DYNC2H1: variants seen among roughly 807,000 people sequenced by gnomAD.
The protein encoded by DYNC2H1 is dynein cytoplasmic 2 heavy chain 1, also known as cytoplasmic dynein 2 heavy chain 1.
DYNC2H1 carries 410 observed loss-of-function variants against 570.0 expected under a neutral mutation model. The ratio of observed to expected loss-of-function variants is 0.72; its 90% confidence interval spans 0.66 to 0.78. The LOEUF (loss-of-function observed/expected upper bound fraction) is 0.78, where lower values mean the gene tolerates loss of function less well. Among genes scored for constraint, DYNC2H1 ranks in the 30% least tolerant of loss-of-function variants. DYNC2H1 has a pLI of 0.00. For synonymous variants in DYNC2H1, 1,688 were observed against 1,677.6 expected (o/e 1.01, Z -0.15); for missense variants, 4,865 against 5,046.4 (o/e 0.96, Z 1.09).
At chr11:103,194,231 C>T (rs756501072) in intron 47 of DYNC2H1, among the ~76,000 whole-genome samples, 2 of 152,072 alleles carry the variant, frequency 1.3e-5, no homozygotes, top group Admixed American at 6.6e-5. Flanking sequence ...AGATACATGC[C>T]GATTGTTTTG....
In DYNC2H1 at chr11:103,229,981, T is replaced by C. The variant is rs548462489; in HGVS notation, c.9354-1279T>C. Among the ~76,000 whole-genome samples the C allele has an allele frequency of 3.3e-5, 5 of 152,270 alleles. No individual in the cohort carries two copies. In the South Asian group the frequency reaches 8.3e-4, roughly 25 times the overall value. ...GCAGCATCAGCATCACTTTGGAACT[T>C]GTTAAAAGTGCAGATTTTTAAACTC... is the stretch of plus-strand genomic sequence containing the variant. On this transcript the variant is annotated intron_variant, in intron 59 of 88. Coordinates refer to ENST00000375735, the MANE Select transcript of DYNC2H1 (RefSeq NM_001377.3).
intron 25 of DYNC2H1, 51 bp from the exon 26 acceptor site, chr11:103,156,335 TTA>T: frequency 1.4e-6 from 2 of 1,480,912 alleles, no homozygotes; most frequent in Non-Finnish European, 1.8e-6. Flanking sequence ...TATTAATTAC[TTA>T]TGTGAAAATT....
chr11:103,235,410 ATTCTGCT>A (rs752009650), intron 61 of DYNC2H1, among the ~76,000 whole-genome samples: 3 of 151,908 alleles, frequency 2.0e-5, no homozygotes, highest in Non-Finnish European at 4.4e-5. Flanking sequence ...TGGGATGAAA[ATTCTGCT>A]TTCTTTAAAA....
chr11:103,249,601 A>C lies in DYNC2H1; in HGVS notation c.10043-3684A>C, dbSNP rs561587685. Among the ~76,000 whole-genome samples, 367 of 152,148 alleles carry C rather than the reference A, an allele frequency of 2.4e-3. 9 individuals are homozygous for C. Among genetic ancestry groups the C allele is most frequent in the Non-Finnish European group, 3.1e-3 (211 of 67,950 alleles). Reference sequence around the variant, plus strand: ...CTTTGAGTAAATGAGAAAGAAAAAAAGCAGCACCTGACTACTCTAGACTGA... The same window carrying C: ...CTTTGAGTAAATGAGAAAGAAAAAACGCAGCACCTGACTACTCTAGACTGA... On this transcript the variant is annotated intron_variant, in intron 65 of 88. Coordinates refer to ENST00000375735, the MANE Select transcript of DYNC2H1 (RefSeq NM_001377.3). This position sits in a 1 kb window ranked among gnomAD's most constrained non-coding sequence, Gnocchi z 4.6.
At position 103,199,892 on chromosome 11, in the gene DYNC2H1, G is replaced by A. The variant is rs1009089879; in HGVS notation, c.8089-154G>A. ...GGGTTGGATTTACTTTCCAAATTATGTGGCTAAAGTTTGATTTTTAATTAT... is the reference window on the plus strand; with the variant it reads ...GGGTTGGATTTACTTTCCAAATTATATGGCTAAAGTTTGATTTTTAATTAT... On this transcript the variant is annotated intron_variant, in intron 49 of 88. Coordinates refer to ENST00000375735, the MANE Select transcript of DYNC2H1 (RefSeq NM_001377.3). The surrounding 1 kb of genome is among the most constrained non-coding windows in gnomAD (Gnocchi z 4.6). 1.8e-4 allele frequency among the ~76,000 whole-genome samples: 28 copies of A among 152,114 alleles called. No homozygotes were observed. The highest frequency in any genetic ancestry group is 6.5e-4 in the African/African-American group (27 of 41,428).
At chr11:103,284,403 C>T (rs1866267868) in intron 73 of DYNC2H1, among the ~76,000 whole-genome samples, 1 of 151,976 alleles carries the variant, frequency 6.6e-6, no homozygotes, top group African/African-American at 2.4e-5. Context: ...TTGTTCATAC[C>T]AGTGGAATGA....
intron 84 of DYNC2H1, among the ~76,000 whole-genome samples, chr11:103,424,273 T>TAA (rs34349361): frequency 1.3e-5 from 2 of 151,854 alleles, no homozygotes; most frequent in African/African-American, 4.8e-5. Context: ...AAACATTTTT[T>TAA]AAATCACAAT....
chr11:103,248,889 A>G (rs544031127), intron 65 of DYNC2H1, among the ~76,000 whole-genome samples: 50 of 152,118 alleles, frequency 3.3e-4, no homozygotes, highest in African/African-American at 1.2e-3. Flanking sequence ...ACTGAAAAAA[A>G]CAAACAAAAA....
chr11:103,255,815 A>T (rs981166134), intron 67 of DYNC2H1, among the ~76,000 whole-genome samples: 1 of 152,096 alleles, frequency 6.6e-6, no homozygotes, highest in African/African-American at 2.4e-5. Flanking sequence ...GCAAGAAATT[A>T]TAACAATCTG....
intron 30 of DYNC2H1, among the ~76,000 whole-genome samples, chr11:103,165,044 A>C (rs1393843433): frequency 6.6e-6 from 1 of 152,134 alleles, no homozygotes; most frequent in Non-Finnish European, 1.5e-5. Flanking sequence ...CATACCACAA[A>C]GTTTGTTTGG....
At chr11:103,453,248 C>A (rs528502942) in intron 85 of DYNC2H1, among the ~76,000 whole-genome samples, 2 of 152,032 alleles carry the variant, frequency 1.3e-5, no homozygotes, top group Non-Finnish European at 2.9e-5. Flanking sequence ...AAATATTTGC[C>A]AGTTAGTATG....
chr11:103,116,573 T>A lies in DYNC2H1; in HGVS notation c.625T>A (p.Phe209Ile), dbSNP rs771511132. Reference sequence around the variant, plus strand: ...AAATTAATGCATTTTTTTCTAGGAGTTTTATAACTTGGACAGTCTATCCTT... The same window carrying A: ...AAATTAATGCATTTTTTTCTAGGAGATTTATAACTTGGACAGTCTATCCTT... ...KELFETIARE[F>I]YNLDSLSLLE... The change falls in exon 5 of 89, where the codon TTT becomes ATT. Residue 209 changes from phenylalanine (F) to isoleucine (I), a missense_variant. Physicochemically the swap from Phe to Ile is conservative, Grantham distance 21. Around this residue, in one of 5 missense-constraint regions of DYNC2H1, gnomAD observed 1,936 missense variants for 1,962.1 expected, o/e 0.99. Coordinates refer to ENST00000375735, the MANE Select transcript of DYNC2H1 (RefSeq NM_001377.3). The A allele has an allele frequency of 6.3e-5, 99 of 1,570,464 alleles. No homozygotes were observed. Among genetic ancestry groups the A allele is most frequent in the Non-Finnish European group, 7.9e-5 (92 of 1,160,030 alleles).
Position 103,286,301 on chromosome 11 carries a change from C to T in DYNC2H1, c.10937C>T (p.Ala3646Val), listed in dbSNP as rs760372759. ...CAGACCCTCTGCTTTGAAGATGCAG[C>T]TCTGTGGCGTACTTATTATAATAAT... ...LYQTLCFEDA[A>V]LWRTYYNNSM... The change falls in exon 74 of 89, where the codon GCT becomes GTT. Residue 3646 changes from alanine to valine, a missense_variant. Coordinates refer to ENST00000375735, the MANE Select transcript of DYNC2H1 (RefSeq NM_001377.3). 1.9e-6 allele frequency: 3 copies of T among 1,613,762 alleles called. No individual in the cohort carries two copies. The highest frequency in any genetic ancestry group is 8.5e-7 in the Non-Finnish European group (1 of 1,179,780).
intron 29 of DYNC2H1, 24 bp downstream of exon 29, chr11:103,161,068 G>A (rs1416262568): frequency 1.6e-6 from 2 of 1,267,412 alleles, no homozygotes; most frequent in Admixed American, 3.1e-5. Flanking sequence ...TTTCAAATAT[G>A]AAAACAAAAA....
chr11:103,319,185 AG>A lies in DYNC2H1; in HGVS notation c.11726-1843del, dbSNP rs1938033424. Among the ~76,000 whole-genome samples the A allele has an allele frequency of 2.6e-5, 4 of 152,180 alleles. No homozygotes were observed. Among genetic ancestry groups the A allele is most frequent in the African/African-American group, 9.6e-5 (4 of 41,464 alleles). ...GATAGAATTAATTAATAGCATTGTAAGACATAGATATATAAATAGGTATCTT... is the reference window on the plus strand; with the variant it reads ...GATAGAATTAATTAATAGCATTGTAAACATAGATATATAAATAGGTATCTT... On this transcript the variant is annotated intron_variant, in intron 80 of 88. Coordinates refer to ENST00000375735, the MANE Select transcript of DYNC2H1 (RefSeq NM_001377.3). The surrounding 1 kb of genome is among the most constrained non-coding windows in gnomAD (Gnocchi z 4.3).
At chr11:103,473,392 C>A (rs2135862723) in intron 88 of DYNC2H1, among the ~76,000 whole-genome samples, 1 of 150,558 alleles carries the variant, frequency 6.6e-6, no homozygotes, top group South Asian at 2.1e-4. Flanking sequence ...CAGTTCGGTG[C>A]AGTATTTTTG....
intron 84 of DYNC2H1, among the ~76,000 whole-genome samples, chr11:103,415,108 G>A: frequency 6.6e-6 from 1 of 152,162 alleles, no homozygotes. Context: ...AAACTGGCTA[G>A]CCATATGTAG....
At position 103,163,339 on chromosome 11, in the gene DYNC2H1, C is replaced by A. The variant is rs1022813468; in HGVS notation, c.4611+192C>A. ...GGGGGATGAATTGAGATCCAAGCAACCTAGGCCAGTGGTGAGTAGGATGGG... is the reference window on the plus strand; with the variant it reads ...GGGGGATGAATTGAGATCCAAGCAAACTAGGCCAGTGGTGAGTAGGATGGG... On this transcript the variant is annotated intron_variant, in intron 30 of 88. Transcript: ENST00000375735. This position sits in a 1 kb window ranked among gnomAD's most constrained non-coding sequence, Gnocchi z 4.6. Among the ~76,000 whole-genome samples, 1 of 152,112 alleles carries A rather than the reference C, an allele frequency of 6.6e-6. No homozygotes were observed. The highest frequency in any genetic ancestry group is 1.5e-5 in the Non-Finnish European group (1 of 68,008).
At chr11:103,183,973 T>G (rs1389044388) in intron 40 of DYNC2H1, among the ~76,000 whole-genome samples, 2 of 151,982 alleles carry the variant, frequency 1.3e-5, no homozygotes, top group African/African-American at 4.8e-5. Flanking sequence ...CCTTGCCTAT[T>G]TCTCTGACTT....
Sources: gnomAD v4.1 joint callset for allele counts (sites outside exome capture counted in the v4.1 genomes callset) on GRCh38, gnomAD v4.1.1 for gene constraint, gnomAD v4.1.1 regional missense constraint, Gnocchi (gnomAD v3.1) non-coding constraint, MANE v1.5 for transcripts, NCBI Gene and HGNC (gene_info 2026-07-23, HGNC 2026-07-21) for gene names.